The following NAV2 variants were observed in gnomAD, a reference collection of about 807,000 sequenced individuals.
The protein encoded by NAV2 is helicase, APC down-regulated 1.
A neutral mutation model predicts 223.2 loss-of-function variants in NAV2; 54 were observed. The observed-to-expected ratio is 0.24, with a 90% confidence interval of 0.19 to 0.30. The LOEUF (loss-of-function observed/expected upper bound fraction) is 0.30, where lower values mean the gene tolerates loss of function less well. Ranked by LOEUF, NAV2 falls within the 10% of genes least tolerant of loss-of-function variation. The probability of loss-of-function intolerance (pLI) is 1.00; values close to 1 mark genes in which losing one functional copy is unlikely to be tolerated. For missense variants in NAV2, 2,806 were observed against 3,147.5 expected (o/e 0.89, Z 2.60); for synonymous variants, 1,279 against 1,239.3 (o/e 1.03, Z -0.67).
At chr11:19,607,237 C>T (rs894990793) in intron 1 of NAV2, among the ~76,000 whole-genome samples, 4 of 152,230 alleles carry the variant, frequency 2.6e-5, no homozygotes, top group Non-Finnish European at 4.4e-5. Context: ...CTATCACCCT[C>T]AATCCTGACT....
intron 1 of NAV2, among the ~76,000 whole-genome samples, chr11:19,689,827 T>A (rs2049117371): frequency 6.6e-6 from 1 of 152,342 alleles, no homozygotes; most frequent in African/African-American, 2.4e-5. Flanking sequence ...ACTTTCATCA[T>A]GAGGGTGCTG....
At chr11:19,491,955 AAGAGAG>A (rs150403869) in intron 1 of NAV2, among the ~76,000 whole-genome samples, 50,642 of 120,682 alleles carry the variant, frequency 0.42, 8,807 homozygotes, top group South Asian at 0.52. Context: ...GGGAGACTCA[AAGAGAG>A]AGAGAGAGAG....
chr11:19,491,953 CAAAGAGAG>C (rs1426982573), intron 1 of NAV2, among the ~76,000 whole-genome samples: 36 of 120,736 alleles, frequency 3.0e-4, no homozygotes, highest in South Asian at 1.1e-3. Context: ...TAGGGAGACT[CAAAGAGAG>C]AGAGAGAGAG....
chr11:19,712,262 G>C (rs1421470802), upstream of NAV2: 1 of 152,296 alleles, frequency 6.6e-6, no homozygotes, highest in East Asian at 1.9e-4. Flanking sequence ...AAGCTTCCCT[G>C]CGTATTGTAT....
Position 19,603,397 on chromosome 11 carries a change from G to A in NAV2, c.76-229087G>A, listed in dbSNP as rs1035575375. On this transcript the variant is annotated intron_variant, in intron 1 of 37. Transcript: ENST00000360655. ...AATCCCAGCACTTTGGGAGGCCAAG[G>A]CAGGTGGATCACGAGGTCAGGAGAT... is the stretch of plus-strand genomic sequence containing the variant. 2.6e-5 allele frequency among the ~76,000 whole-genome samples: 4 copies of A among 152,222 alleles called. No homozygotes were observed. The South Asian group carries it at 6.2e-4, about 24-fold the overall frequency.
chr11:19,475,157 G>A (rs2042078817), intron 1 of NAV2, among the ~76,000 whole-genome samples: 2 of 152,338 alleles, frequency 1.3e-5, no homozygotes, highest in South Asian at 2.1e-4. Flanking sequence ...AGATGATTCC[G>A]GACCATTCCA....
At chr11:19,929,856 G>A (rs541823951) in intron 6 of NAV2, among the ~76,000 whole-genome samples, 6 of 152,266 alleles carry the variant, frequency 3.9e-5, no homozygotes, top group African/African-American at 1.4e-4. Flanking sequence ...TCCCAGACCA[G>A]GGGAATAACT....
At chr11:19,959,291 C>T (rs929497191) in intron 10 of NAV2, among the ~76,000 whole-genome samples, 5 of 152,108 alleles carry the variant, frequency 3.3e-5, no homozygotes, top group African/African-American at 7.2e-5. Flanking sequence ...CTCTTGTCCC[C>T]GGAGGAACTC....
At chr11:19,425,027 C>T (rs1482386292) in intron 1 of NAV2, among the ~76,000 whole-genome samples, 1 of 152,128 alleles carries the variant, frequency 6.6e-6, no homozygotes, top group Non-Finnish European at 1.5e-5. Context: ...ATATACTATG[C>T]TTGAGGCATT....
chr11:19,356,471 G>C (rs1280997053), intron 1 of NAV2, among the ~76,000 whole-genome samples: 1 of 152,128 alleles, frequency 6.6e-6, no homozygotes, highest in Non-Finnish European at 1.5e-5. Flanking sequence ...TCCTGTTTCT[G>C]GGCACTTCCA....
chr11:19,973,360 G>A (rs944355265), intron 10 of NAV2, among the ~76,000 whole-genome samples: 1 of 152,166 alleles, frequency 6.6e-6, no homozygotes, highest in African/African-American at 2.4e-5. Flanking sequence ...CTGTGTCTCA[G>A]AGCACTCTGA....
At chr11:19,557,676 A>G (rs1175995596) in intron 1 of NAV2, among the ~76,000 whole-genome samples, 5 of 152,244 alleles carry the variant, frequency 3.3e-5, no homozygotes, top group African/African-American at 1.2e-4. Flanking sequence ...CCCTATAAGC[A>G]GTGAACGCGA....
intron 22 of NAV2, among the ~76,000 whole-genome samples, chr11:20,072,477 C>T (rs1040766085): frequency 6.6e-6 from 1 of 152,030 alleles, no homozygotes; most frequent in African/African-American, 2.4e-5. Context: ...TGAAGAAAGT[C>T]ATTGGTAGCT....
intron 1 of NAV2, among the ~76,000 whole-genome samples, chr11:19,424,173 G>A (rs1590179206): frequency 2.6e-5 from 4 of 152,156 alleles, no homozygotes; most frequent in African/African-American, 7.2e-5. Context: ...ATTAATTTTT[G>A]TGTAATAAGC....
chr11:19,649,115 G>A (rs1424377156), intron 1 of NAV2, among the ~76,000 whole-genome samples: 1 of 152,128 alleles, frequency 6.6e-6, no homozygotes, highest in African/African-American at 2.4e-5. Context: ...GCTAATCGTA[G>A]TGTTTCTATA....
intron 1 of NAV2, among the ~76,000 whole-genome samples, chr11:19,633,578 G>A (rs929632516): frequency 2.0e-5 from 3 of 152,260 alleles, no homozygotes; most frequent in Admixed American, 6.5e-5. Flanking sequence ...TGGGGCAGCC[G>A]GCAAATCAGG....
At chr11:19,456,213 A>T (rs1382821789) in intron 1 of NAV2, among the ~76,000 whole-genome samples, 1 of 152,234 alleles carries the variant, frequency 6.6e-6, no homozygotes, top group African/African-American at 2.4e-5. Flanking sequence ...CATTTAAAGG[A>T]TACCTGTGAT....
At chr11:19,460,925 C>T (rs946230112) in intron 1 of NAV2, among the ~76,000 whole-genome samples, 1 of 152,118 alleles carries the variant, frequency 6.6e-6, no homozygotes, top group African/African-American at 2.4e-5. Flanking sequence ...CTTCTACATG[C>T]AATAGACAGA....
intron 1 of NAV2, among the ~76,000 whole-genome samples, chr11:19,717,704 G>A (rs1285831370): frequency 6.6e-6 from 1 of 152,222 alleles, no homozygotes. Flanking sequence ...GTGCAGGGTA[G>A]TTGTGAGAAG....
Sources: gnomAD v4.1 joint callset for allele counts (sites outside exome capture counted in the v4.1 genomes callset) on GRCh38, gnomAD v4.1.1 for gene constraint, MANE v1.5 for transcripts, NCBI Gene and HGNC (gene_info 2026-07-23, HGNC 2026-07-21) for gene names.